GRM1: variants seen among roughly 807,000 people sequenced by gnomAD.
GRM1 encodes the protein glutamate metabotropic receptor 1, also known as metabotropic glutamate receptor 1.
A neutral mutation model predicts 90.9 loss-of-function variants in GRM1; 33 were observed. The observed-to-expected ratio is 0.36, with a 90% CI of 0.28 to 0.49. The LOEUF (loss-of-function observed/expected upper bound fraction) is 0.49, where lower values mean the gene tolerates loss of function less well. Ranked by LOEUF, GRM1 falls within the 20% of genes least tolerant of loss-of-function variation. GRM1 has a pLI of 0.99. For missense variants in GRM1, 1,190 were observed against 1,534.3 expected, an observed-to-expected ratio of 0.78 and a Z score of 3.75; for synonymous variants, 700 against 613.2, an observed-to-expected ratio of 1.14 and a Z score of -2.09.
intron 3 of GRM1, among the ~76,000 whole-genome samples, chr6:146,331,201 C>T (rs1039192350): frequency 6.6e-6 from 1 of 152,086 alleles, no homozygotes; most frequent in African/African-American, 2.4e-5. Context: ...GATTTCCAGT[C>T]ACTATTGGAA....
chr6:146,031,654 G>A (rs527594668), intron 1 of GRM1, among the ~76,000 whole-genome samples: 11 of 151,990 alleles, frequency 7.2e-5, no homozygotes, highest in Admixed American at 3.3e-4. Context: ...CATGAACTGC[G>A]TATCTCTTTT....
chr6:146,358,984 T>C (rs929359668), intron 5 of GRM1, among the ~76,000 whole-genome samples: 3 of 152,182 alleles, frequency 2.0e-5, no homozygotes, highest in Non-Finnish European at 2.9e-5. Context: ...GACACAGTAC[T>C]GGAGGCCTCA....
At chr6:146,179,026 GA>G (rs1449092537) in intron 2 of GRM1, among the ~76,000 whole-genome samples, 1 of 152,172 alleles carries the variant, frequency 6.6e-6, no homozygotes, top group East Asian at 1.9e-4. Context: ...ACAGTGGTCA[GA>G]ACCCAGACAT....
At chr6:146,202,428 C>G (rs1779329940) in intron 2 of GRM1, among the ~76,000 whole-genome samples, 1 of 152,126 alleles carries the variant, frequency 6.6e-6, no homozygotes, top group South Asian at 2.1e-4. Context: ...CAGGGTTGCT[C>G]TGAAGATCAC....
intron 7 of GRM1, among the ~76,000 whole-genome samples, chr6:146,406,996 C>T (rs3827635): frequency 0.046 from 6,933 of 152,150 alleles, 260 homozygotes; most frequent in East Asian, 0.2. Flanking sequence ...CCATCCCTGA[C>T]GGGTCATAGT....
At chr6:146,252,769 A>G (rs138818161) in intron 2 of GRM1, among the ~76,000 whole-genome samples, 156 of 152,196 alleles carry the variant, frequency 1.0e-3, no homozygotes, top group Middle Eastern at 3.4e-3. Flanking sequence ...GTTTAAAAAT[A>G]TTGATAAATT....
intron 2 of GRM1, among the ~76,000 whole-genome samples, chr6:146,289,437 G>A (rs1441870725): frequency 6.6e-6 from 1 of 152,206 alleles, no homozygotes. Context: ...TTCAAGCTAA[G>A]TGTTATTATG....
chr6:146,058,881 C>A (rs1775572564), intron 1 of GRM1, among the ~76,000 whole-genome samples: 1 of 152,090 alleles, frequency 6.6e-6, no homozygotes, highest in African/African-American at 2.4e-5. Flanking sequence ...CAAGCTTTTT[C>A]ATGAAATTGT....
In GRM1 at chr6:146,129,528, G is replaced by A. The variant is rs557447510; in HGVS notation, c.701-29820G>A. Among the ~76,000 whole-genome samples the A allele has an allele frequency of 4.2e-4, 64 of 152,310 alleles. 1 individual carries two copies. In the South Asian group the frequency reaches 0.012, roughly 29 times the overall value. On this transcript the variant is annotated intron_variant, in intron 1 of 7. Coordinates refer to ENST00000282753, the MANE Select transcript of GRM1 (RefSeq NM_001278064.2). ...AACCTCCATGGCAGGTGTTACTGCA[G>A]TTCACTGAGAGGCTGCACAGAGCAA...
At position 146,273,519 on chromosome 6, in the gene GRM1, G is replaced by A. The variant is rs572465530; in HGVS notation, c.951-31092G>A. On this transcript the variant is annotated intron_variant, in intron 2 of 7. Coordinates refer to ENST00000282753, the MANE Select transcript of GRM1 (RefSeq NM_001278064.2). ...AGGTGTCCTAAAATCTCAGCTAAAT[G>A]TTTTGAAATCTGGCCATGTTTTCAA... Among the ~76,000 whole-genome samples the A allele has an allele frequency of 2.6e-5, 4 of 152,282 alleles. No homozygotes were observed. In the South Asian group the frequency reaches 8.3e-4, roughly 32 times the overall value.
chr6:146,402,749 T>C (rs1777203443), intron 7 of GRM1, among the ~76,000 whole-genome samples: 1 of 152,212 alleles, frequency 6.6e-6, no homozygotes, highest in Non-Finnish European at 1.5e-5. Context: ...ACAGGCTGTT[T>C]CTGAGATACG....
At chr6:146,096,355 T>C (rs1776873532) in intron 1 of GRM1, among the ~76,000 whole-genome samples, 1 of 152,160 alleles carries the variant, frequency 6.6e-6, no homozygotes, top group African/African-American at 2.4e-5. Flanking sequence ...AATTTTCTGA[T>C]GATCCAATGG....
intron 2 of GRM1, among the ~76,000 whole-genome samples, chr6:146,299,299 C>T (rs1783290045): frequency 6.6e-6 from 1 of 151,992 alleles, no homozygotes; most frequent in Non-Finnish European, 1.5e-5. Context: ...TCCTTCCATC[C>T]ACATATGGAT....
intron 1 of GRM1, among the ~76,000 whole-genome samples, chr6:146,131,807 C>A (rs1279514485): frequency 6.6e-6 from 1 of 152,142 alleles, no homozygotes; most frequent in Non-Finnish European, 1.5e-5. Context: ...AACCACACAT[C>A]CATGGTTATA....
At chr6:146,339,461 CTAAA>C (rs1251766116) in intron 3 of GRM1, among the ~76,000 whole-genome samples, 4 of 152,248 alleles carry the variant, frequency 2.6e-5, no homozygotes, top group African/African-American at 9.6e-5. Context: ...GACTAATATA[CTAAA>C]TAGACACCTC....
chr6:146,090,945 G>C (rs946077539), intron 1 of GRM1, among the ~76,000 whole-genome samples: 4 of 151,958 alleles, frequency 2.6e-5, no homozygotes, highest in Admixed American at 2.0e-4. Context: ...AAACCAAAAA[G>C]AGCATACAGG....
intron 1 of GRM1, among the ~76,000 whole-genome samples, chr6:146,147,048 C>T (rs1777136524): frequency 6.6e-6 from 1 of 152,160 alleles, no homozygotes; most frequent in Admixed American, 6.5e-5. Context: ...AAAAATTTCC[C>T]AGAAGCTTCA....
chr6:146,207,826 G>A (rs1316997413), intron 2 of GRM1, among the ~76,000 whole-genome samples: 1 of 152,134 alleles, frequency 6.6e-6, no homozygotes, highest in Non-Finnish European at 1.5e-5. Flanking sequence ...TTGTTGGTCT[G>A]AGCCTATTTT....
chr6:146,399,792 C>A lies in GRM1; in HGVS notation c.2660+93C>A. On this transcript the variant is annotated intron_variant, in intron 7 of 7. Coordinates refer to ENST00000282753, the MANE Select transcript of GRM1 (RefSeq NM_001278064.2). The surrounding 1 kb of genome is among the most constrained non-coding windows in gnomAD (Gnocchi z 5.4). ...CTCTCTCTTTCTCTGTCTCTCATAT[C>A]TTCCTCTAGTTTTCTGAGTTGTCTC... 1 of 855,962 alleles carries A rather than the reference C, an allele frequency of 1.2e-6. No individual in the cohort carries two copies. Among genetic ancestry groups the A allele is most frequent in the Non-Finnish European group, 1.9e-6 (1 of 529,048 alleles). The allele number at this position is 855,962 out of a possible 1,614,324, so 53.0% of individuals were successfully genotyped here.
Sources: allele counts gnomAD v4.1 joint callset (sites outside exome capture counted in the v4.1 genomes callset), GRCh38; gene constraint gnomAD v4.1.1; non-coding constraint Gnocchi (gnomAD v3.1); transcripts MANE v1.5; gene names NCBI Gene and HGNC (gene_info 2026-07-23, HGNC 2026-07-21).